The following CCDC178 variants were observed in gnomAD, a reference collection of about 807,000 sequenced individuals.
CCDC178 encodes coiled-coil domain-containing protein 178.
A neutral mutation model predicts 117.4 loss-of-function variants in CCDC178; 126 were observed. The observed-to-expected ratio is 1.07, with a 90% CI of 0.93 to 1.24. The LOEUF is 1.24. CCDC178 is among the 50% of genes most tolerant of loss of function. The pLI, the probability that CCDC178 is intolerant of heterozygous loss-of-function variation, is 0.00. For synonymous variants in CCDC178, 283 were observed against 313.4 expected (o/e 0.90, Z 1.02); for missense variants, 1,030 against 986.9 (o/e 1.04, Z -0.59).
At chr18:33,412,588 T>C (rs1049675432) in intron 2 of CCDC178, among the ~76,000 whole-genome samples, 2 of 152,164 alleles carry the variant, frequency 1.3e-5, no homozygotes, top group East Asian at 3.8e-4. Context: ...TATCAATTTG[T>C]GACCAATTCT....
At chr18:33,230,281 T>C (rs1005607013) in intron 15 of CCDC178, among the ~76,000 whole-genome samples, 3 of 151,980 alleles carry the variant, frequency 2.0e-5, no homozygotes, top group Admixed American at 6.6e-5. Flanking sequence ...TGTAAGTTAA[T>C]TATCATATCC....
intron 11 of CCDC178, among the ~76,000 whole-genome samples, chr18:33,302,687 T>C (rs550774219): frequency 2.0e-5 from 3 of 152,220 alleles, no homozygotes; most frequent in Non-Finnish European, 4.4e-5. Flanking sequence ...ACAAAAAGAA[T>C]GAAATCTTGT....
At chr18:33,213,360 C>T (rs1432013507) in intron 19 of CCDC178, among the ~76,000 whole-genome samples, 1 of 151,942 alleles carries the variant, frequency 6.6e-6, no homozygotes, top group Non-Finnish European at 1.5e-5. Flanking sequence ...TAAGGTTCTT[C>T]TCCTCTTTCA....
intron 20 of CCDC178, among the ~76,000 whole-genome samples, chr18:33,200,746 G>A (rs1018881121): frequency 9.9e-5 from 15 of 152,034 alleles, no homozygotes; most frequent in African/African-American, 3.6e-4. Context: ...CCTCTTCCAG[G>A]TTCTAGAGAA....
At chr18:33,134,370 A>T (rs949749447) in intron 20 of CCDC178, among the ~76,000 whole-genome samples, 1 of 152,064 alleles carries the variant, frequency 6.6e-6, no homozygotes, top group African/African-American at 2.4e-5. Flanking sequence ...TTATTTCAAC[A>T]TGTGACTACA....
intron 20 of CCDC178, among the ~76,000 whole-genome samples, chr18:33,178,007 C>T (rs1415580847): frequency 6.6e-6 from 1 of 152,112 alleles, no homozygotes; most frequent in Non-Finnish European, 1.5e-5. Context: ...TCTCACTTCT[C>T]TCAGTGGACT....
chr18:33,027,779 T>G (rs1041610292), intron 21 of CCDC178, among the ~76,000 whole-genome samples: 2 of 151,684 alleles, frequency 1.3e-5, no homozygotes, highest in Non-Finnish European at 3.0e-5. Context: ...ATGGCAATAA[T>G]TCAGATTTTG....
intron 3 of CCDC178, among the ~76,000 whole-genome samples, chr18:33,401,495 T>C (rs2063709367): frequency 6.6e-6 from 1 of 152,192 alleles, no homozygotes; most frequent in South Asian, 2.1e-4. Context: ...GATAACTGTA[T>C]TGTTATACAA....
chr18:33,328,083 ATTTTTTTTTTTTTTTTT>A (rs771034112), intron 10 of CCDC178: 88 of 100,714 alleles, frequency 8.7e-4, no homozygotes, highest in South Asian at 2.7e-3. Flanking sequence ...TTATCCCTAG[ATTTTTTTTTTTTTTTTT>A]TTTTTTTTTT....
At chr18:33,337,269 C>A (rs563634069) in intron 9 of CCDC178, among the ~76,000 whole-genome samples, 229 of 151,840 alleles carry the variant, frequency 1.5e-3, no homozygotes, top group Non-Finnish European at 2.8e-3. Flanking sequence ...TCCTGAAACT[C>A]TGCTGAATTA....
At chr18:33,364,726 T>C (rs2063175724) in intron 6 of CCDC178, among the ~76,000 whole-genome samples, 1 of 139,552 alleles carries the variant, frequency 7.2e-6, no homozygotes, top group African/African-American at 2.8e-5. Context: ...ATTTCTGTTG[T>C]CGCTCCTTTT....
At chr18:33,305,653 T>C (rs2062238420) in intron 11 of CCDC178, among the ~76,000 whole-genome samples, 1 of 152,218 alleles carries the variant, frequency 6.6e-6, no homozygotes, top group South Asian at 2.1e-4. Context: ...TTAGTGATTT[T>C]ACTCTTATGT....
At chr18:33,260,947 T>C (rs2059739883) in intron 14 of CCDC178, among the ~76,000 whole-genome samples, 1 of 152,226 alleles carries the variant, frequency 6.6e-6, no homozygotes, top group African/African-American at 2.4e-5. Flanking sequence ...TAACGAGTCA[T>C]TTTACATATT....
intron 12 of CCDC178, among the ~76,000 whole-genome samples, chr18:33,280,100 A>C (rs1354378514): frequency 4.0e-5 from 6 of 150,674 alleles, no homozygotes; most frequent in Non-Finnish European, 8.9e-5. Flanking sequence ...AAATTGACAA[A>C]TGGGATCTAA....
intron 21 of CCDC178, among the ~76,000 whole-genome samples, chr18:33,038,873 G>T (rs762770341): frequency 6.6e-6 from 1 of 151,894 alleles, no homozygotes; most frequent in East Asian, 1.9e-4. Context: ...CTCAACATAT[G>T]CCAAAGGACT....
intron 12 of CCDC178, among the ~76,000 whole-genome samples, chr18:33,288,149 T>C (rs562894502): frequency 1.8e-4 from 28 of 152,184 alleles, no homozygotes; most frequent in Non-Finnish European, 2.9e-5. Flanking sequence ...GTCACCAAGT[T>C]CTTTACAGGC....
chr18:33,265,993 A>T (rs1424618229), intron 14 of CCDC178, among the ~76,000 whole-genome samples: 1 of 152,034 alleles, frequency 6.6e-6, no homozygotes, highest in Non-Finnish European at 1.5e-5. Flanking sequence ...ATGAAAACTC[A>T]TAGGTTTCCA....
chr18:33,179,118 A>ATATATATAAACTATATATATAAAC (rs1568037132), intron 20 of CCDC178, among the ~76,000 whole-genome samples: 1 of 104,410 alleles, frequency 9.6e-6, no homozygotes, highest in African/African-American at 3.3e-5. Flanking sequence ...TAAACTATAT[A>ATATATATAAACTATATATATAAAC]TATATATATA....
intron 15 of CCDC178, among the ~76,000 whole-genome samples, chr18:33,236,177 T>C (rs9953737): frequency 0.062 from 9,475 of 152,166 alleles, 473 homozygotes; most frequent in African/African-American, 0.13. Context: ...AATTTCTAGA[T>C]GATGGATTAA....
Sources: gnomAD v4.1 joint callset for allele counts (sites outside exome capture counted in the v4.1 genomes callset) on GRCh38, gnomAD v4.1.1 for gene constraint, MANE v1.5 for transcripts, NCBI Gene and HGNC (gene_info 2026-07-23, HGNC 2026-07-21) for gene names.